Variants in IL31RA observed in about 807,000 individuals in gnomAD.
IL31RA encodes the protein interleukin 31 receptor A.
In IL31RA, 66 loss-of-function variants were observed where a neutral mutation model predicts 83.7. The ratio of observed to expected loss-of-function variants is 0.79; its 90% confidence interval spans 0.65 to 0.97. The LOEUF (loss-of-function observed/expected upper bound fraction) is 0.97, where lower values mean the gene tolerates loss of function less well. IL31RA is among the 50% of genes least tolerant of loss of function. The pLI is 0.00. For missense variants in IL31RA, 798 were observed against 919.4 expected, an observed-to-expected ratio of 0.87 and a Z score of 1.71; for synonymous variants, 325 against 329.0, an observed-to-expected ratio of 0.99 and a Z score of 0.13.
intron 5 of IL31RA, 51 bp downstream of exon 5, chr5:55,883,246 A>G (rs747895191): frequency 1.4e-6 from 2 of 1,434,908 alleles, no homozygotes; most frequent in Non-Finnish European, 2.0e-6. Flanking sequence ...AGAGGAAAAG[A>G]ATCATTGACA....
chr5:55,862,964 T>C (rs866233564), intron 2 of IL31RA, among the ~76,000 whole-genome samples: 36 of 152,288 alleles, frequency 2.4e-4, no homozygotes, highest in Middle Eastern at 3.4e-3. Flanking sequence ...TGAATAAGAC[T>C]TAAAATAGGC....
chr5:55,862,215 A>G (rs558613995), intron 2 of IL31RA, among the ~76,000 whole-genome samples: 3 of 152,256 alleles, frequency 2.0e-5, no homozygotes, highest in Non-Finnish European at 4.4e-5. Flanking sequence ...TTAGATTTAT[A>G]GAAAAACTGT....
chr5:55,919,365 G>C lies in IL31RA; in HGVS notation c.*2245G>C, dbSNP rs907295087. Among the ~76,000 whole-genome samples the C allele has an allele frequency of 6.6e-6, 1 of 152,186 alleles. No homozygotes were observed. The highest frequency in any genetic ancestry group is 1.5e-5 in the Non-Finnish European group (1 of 68,042). On this transcript the variant is annotated 3_prime_UTR_variant, in exon 15 of 15. Transcript: ENST00000652347. ...TAAGAATTTGATGGGAGAGAAAATG[G>C]ATCCCCAATGGCTCCTGTGAGTGGA...
chr5:55,878,289 A>G (rs1039502005), intron 4 of IL31RA, among the ~76,000 whole-genome samples: 1 of 152,166 alleles, frequency 6.6e-6, no homozygotes, highest in Non-Finnish European at 1.5e-5. Context: ...CTCTTTGAAC[A>G]TATTTAAGGT....
chr5:55,900,271 C>A, intron 8 of IL31RA, 139 bp downstream of exon 8: 1 of 718,818 alleles, frequency 1.4e-6, no homozygotes, highest in Non-Finnish European at 2.5e-6. Flanking sequence ...TGTGGTGAAG[C>A]AATGAGAATT....
intron 12 of IL31RA, among the ~76,000 whole-genome samples, chr5:55,913,129 C>T (rs545044763): frequency 2.0e-5 from 3 of 152,140 alleles, no homozygotes; most frequent in South Asian, 2.1e-4. Flanking sequence ...TTAGCCCTGT[C>T]GCCTAGGCTG....
intron 2 of IL31RA, among the ~76,000 whole-genome samples, chr5:55,864,927 C>A (rs1398769758): frequency 1.3e-5 from 2 of 152,170 alleles, no homozygotes; most frequent in Non-Finnish European, 2.9e-5. Flanking sequence ...CACACATGCA[C>A]TGTACACGCA....
In IL31RA at chr5:55,907,371, C is replaced by A; in HGVS notation, c.1265C>A (p.Pro422His). 1 of 1,611,492 alleles carries A rather than the reference C, an allele frequency of 6.2e-7. No homozygotes were observed. Among genetic ancestry groups the A allele is most frequent in the Non-Finnish European group, 8.5e-7 (1 of 1,177,596 alleles). The change falls in exon 10 of 15, where the codon CCT (proline) becomes CAT (histidine). Residue 422 changes from proline to histidine, a missense_variant. Physicochemically the swap from Pro to His is moderately conservative, Grantham distance 77. Transcript: ENST00000652347. ...NWTIQQDKLK[P>H]FWCYNISVYP... ...TTCTTTTTCACAGATAAATTAAAACCTTTCTGGTGCTATAACATCTCTGTG... is the reference window on the plus strand; with the variant it reads ...TTCTTTTTCACAGATAAATTAAAACATTTCTGGTGCTATAACATCTCTGTG...
At position 55,917,487 on chromosome 5, in the gene IL31RA, T is replaced by C. The variant is rs1580753269; in HGVS notation, c.*367T>C. 1 of 349,078 alleles carries C rather than the reference T, an allele frequency of 2.9e-6. No homozygotes were observed. The highest frequency in any genetic ancestry group is 4.1e-5 in the South Asian group (1 of 24,390). The allele number at this position is 349,078 out of a possible 1,614,324, so 21.6% of individuals were successfully genotyped here. A position where few individuals can be genotyped will look rare whatever the true frequency, so the allele number is the denominator to read the frequency against. ...CAGGAATTGGGTCATGGTCCCAGCC[T>C]TTGCTGGGGCTGAGCCTCAGAGTTC... On this transcript the variant is annotated 3_prime_UTR_variant, in exon 15 of 15. Coordinates refer to ENST00000652347, the MANE Select transcript of IL31RA (RefSeq NM_139017.7).
chr5:55,848,857 T>C (rs1039118107), upstream of IL31RA, among the ~76,000 whole-genome samples: 28 of 152,182 alleles, frequency 1.8e-4, no homozygotes, highest in African/African-American at 6.8e-4. Context: ...TTCTATGACT[T>C]TCTTATTTTC....
intron 6 of IL31RA, among the ~76,000 whole-genome samples, chr5:55,893,992 C>A (rs1216767644): frequency 6.6e-6 from 1 of 151,700 alleles, no homozygotes; most frequent in African/African-American, 2.4e-5. Context: ...TGGGCTAAAT[C>A]CAAGAAGAAT....
chr5:55,859,522 CTTCATG>C lies in IL31RA; in HGVS notation c.79_84del (p.Ser27_Cys28del). 6.2e-7 allele frequency: 1 copy of C among 1,613,490 alleles called. No homozygotes were observed. Among genetic ancestry groups the C allele is most frequent in the Non-Finnish European group, 8.5e-7 (1 of 1,179,410 alleles). ...TGTCATTTTCAGCTCTCTCCCCAGC[CTTCATG>C]TGTTAACCTGGGGATGATGTGGACC... On this transcript the variant is annotated inframe_deletion, in exon 2 of 15. Coordinates refer to ENST00000652347, the MANE Select transcript of IL31RA (RefSeq NM_139017.7).
intron 12 of IL31RA, among the ~76,000 whole-genome samples, chr5:55,912,642 C>A (rs1348669656): frequency 2.0e-5 from 3 of 152,044 alleles, no homozygotes; most frequent in Non-Finnish European, 2.9e-5. Flanking sequence ...GCCTAAAATA[C>A]AAAAATTAGC....
intron 2 of IL31RA, among the ~76,000 whole-genome samples, chr5:55,861,016 T>G (rs184787341): frequency 1.7e-4 from 26 of 152,276 alleles, no homozygotes; most frequent in African/African-American, 4.6e-4. Flanking sequence ...TCAGATTGGA[T>G]TAGGGCCCAT....
intron 3 of IL31RA, among the ~76,000 whole-genome samples, chr5:55,870,406 G>A (rs1387379742): frequency 6.6e-6 from 1 of 152,120 alleles, no homozygotes; most frequent in Admixed American, 6.5e-5. Context: ...GCATGATAAA[G>A]GCCCAATAAC....
At chr5:55,910,405 TA>T (rs1749429074) in intron 11 of IL31RA, 126 bp from the exon 12 acceptor site, 1 of 961,112 alleles carries the variant, frequency 1.0e-6, no homozygotes, top group Non-Finnish European at 1.7e-6. Context: ...AGGACATGAA[TA>T]GGGGTCAGAA....
At chr5:55,891,046 AT>A (rs1747955770) in intron 6 of IL31RA, among the ~76,000 whole-genome samples, 1 of 152,240 alleles carries the variant, frequency 6.6e-6, no homozygotes, top group South Asian at 2.1e-4. Flanking sequence ...TATTTTAAAG[AT>A]TAAATGAAAT....
chr5:55,860,075 A>C (rs577633984), intron 2 of IL31RA, among the ~76,000 whole-genome samples: 8 of 152,224 alleles, frequency 5.3e-5, no homozygotes, highest in Non-Finnish European at 8.8e-5. Flanking sequence ...TACTATAATA[A>C]AAGTTAGGTG....
intron 4 of IL31RA, among the ~76,000 whole-genome samples, chr5:55,873,269 A>C (rs1003392265): frequency 6.6e-6 from 1 of 152,156 alleles, no homozygotes; most frequent in Non-Finnish European, 1.5e-5. Context: ...ATAATATTCC[A>C]CTGGATGTAT....
Sources: gnomAD v4.1 joint callset for allele counts (sites outside exome capture counted in the v4.1 genomes callset) on GRCh38, gnomAD v4.1.1 for gene constraint, MANE v1.5 for transcripts, NCBI Gene and HGNC (gene_info 2026-07-23, HGNC 2026-07-21) for gene names.